MBOAT1: variants seen among roughly 807,000 people sequenced by gnomAD.
The protein encoded by MBOAT1 is membrane-bound glycerophospholipid O-acyltransferase 1.
MBOAT1 carries 67 observed loss-of-function variants against 64.4 expected under a neutral mutation model. That is an observed-to-expected ratio of 1.04 (90% confidence interval 0.85 to 1.27). The LOEUF (loss-of-function observed/expected upper bound fraction) is 1.27. MBOAT1 is among the 50% of genes most tolerant of loss of function. The pLI is 0.00. For missense variants in MBOAT1, 563 were observed against 604.6 expected (o/e 0.93, Z 0.72); for synonymous variants, 229 against 218.9 (o/e 1.05, Z -0.41).
intron 1 of MBOAT1, among the ~76,000 whole-genome samples, chr6:20,185,301 C>G (rs1762620511): frequency 6.6e-6 from 1 of 152,060 alleles, no homozygotes; most frequent in Admixed American, 6.6e-5. Context: ...TTTCATATGC[C>G]AACTTGGCTA....
intron 1 of MBOAT1, among the ~76,000 whole-genome samples, chr6:20,192,912 C>T (rs1271496215): frequency 6.6e-6 from 1 of 151,710 alleles, no homozygotes; most frequent in African/African-American, 2.4e-5. Flanking sequence ...ACAGGACACA[C>T]CTCAGGAGGA....
chr6:20,114,236 C>G (rs951923434), intron 10 of MBOAT1, among the ~76,000 whole-genome samples: 1 of 152,178 alleles, frequency 6.6e-6, no homozygotes, highest in Non-Finnish European at 1.5e-5. Context: ...AAAGATGCTG[C>G]TTATCAAAAC....
chr6:20,166,440 C>A (rs879261813), intron 1 of MBOAT1, among the ~76,000 whole-genome samples: 8 of 152,126 alleles, frequency 5.3e-5, no homozygotes, highest in Non-Finnish European at 1.2e-4. Flanking sequence ...AATTAGCCAG[C>A]TGCTAAATTG....
At chr6:20,116,321 G>C (rs1338318392) in intron 9 of MBOAT1, among the ~76,000 whole-genome samples, 1 of 151,260 alleles carries the variant, frequency 6.6e-6, no homozygotes, top group East Asian at 1.9e-4. Flanking sequence ...AACATGGCAA[G>C]ACTCCATCTC....
chr6:20,153,810 AC>A (rs1416542872), intron 1 of MBOAT1, among the ~76,000 whole-genome samples: 1 of 152,202 alleles, frequency 6.6e-6, no homozygotes, highest in African/African-American at 2.4e-5. Context: ...AAACATTTAA[AC>A]ATTTCCTGAA....
rs1360878152 is a variant in MBOAT1, at chr6:20,101,466, C to T, written c.*820G>A. Among the ~76,000 whole-genome samples the T allele has an allele frequency of 6.6e-6, 1 of 152,204 alleles. No homozygotes were observed. Among genetic ancestry groups the T allele is most frequent in the Non-Finnish European group, 1.5e-5 (1 of 68,034 alleles). On this transcript the variant is annotated 3_prime_UTR_variant, in exon 13 of 13. Coordinates refer to ENST00000324607, the MANE Select transcript of MBOAT1 (RefSeq NM_001080480.3). ...GTGCCCTGAAACCATGATCCCTCTG[C>T]CTCCATGGTCCTCTGAGTGTAGTTA...
At chr6:20,106,897 G>T (rs1441398597) in intron 12 of MBOAT1, among the ~76,000 whole-genome samples, 1 of 152,140 alleles carries the variant, frequency 6.6e-6, no homozygotes, top group Non-Finnish European at 1.5e-5. Flanking sequence ...ATATTCTGGG[G>T]TGATTTTAAA....
chr6:20,207,597 C>A (rs1326968757), intron 1 of MBOAT1, among the ~76,000 whole-genome samples: 1 of 152,146 alleles, frequency 6.6e-6, no homozygotes, highest in Non-Finnish European at 1.5e-5. Flanking sequence ...AAGAACATTT[C>A]AAGACAGGTG....
chr6:20,134,006 G>T (rs1760907890), intron 4 of MBOAT1, among the ~76,000 whole-genome samples: 1 of 152,164 alleles, frequency 6.6e-6, no homozygotes, highest in Non-Finnish European at 1.5e-5. Flanking sequence ...ATCTGTCCAA[G>T]AATTTTATCT....
chr6:20,102,338 G>T lies in MBOAT1; in HGVS notation c.1436C>A (p.Thr479Lys). 1 of 1,613,896 alleles carries T rather than the reference G, an allele frequency of 6.2e-7. No individual in the cohort carries two copies. Among genetic ancestry groups the T allele is most frequent in the Non-Finnish European group, 8.5e-7 (1 of 1,179,868 alleles). ...GTTCAGAGTCTGAGGCCGCCTTTGC[G>T]TATGAGCTTGTGGTTTCATTGGCAG... Reference protein sequence around the residue: ...LFLPMKPQAHTQRRPQTLNSI... With the variant: ...LFLPMKPQAHKQRRPQTLNSI... The change falls in exon 13 of 13, where the codon ACG becomes AAG. Residue 479 changes from threonine (T) to lysine (K), a missense_variant. Coordinates refer to ENST00000324607, the MANE Select transcript of MBOAT1 (RefSeq NM_001080480.3).
intron 1 of MBOAT1, among the ~76,000 whole-genome samples, chr6:20,200,986 C>A (rs927861090): frequency 3.9e-5 from 6 of 152,128 alleles, no homozygotes; most frequent in African/African-American, 1.4e-4. Context: ...TTGCATCACT[C>A]AAACACAGGA....
At chr6:20,195,266 T>C (rs905479563) in intron 1 of MBOAT1, among the ~76,000 whole-genome samples, 2 of 152,242 alleles carry the variant, frequency 1.3e-5, no homozygotes, top group African/African-American at 4.8e-5. Context: ...CTTCTCTATC[T>C]AATCTATACT....
chr6:20,116,793 G>A (rs1291907026), intron 9 of MBOAT1, among the ~76,000 whole-genome samples: 3 of 152,080 alleles, frequency 2.0e-5, no homozygotes, highest in Admixed American at 6.5e-5. Flanking sequence ...CCTTTACCCT[G>A]AAGACATGTC....
At chr6:20,128,859 C>A in intron 5 of MBOAT1, 106 bp from the exon 6 acceptor site, 1 of 762,038 alleles carries the variant, frequency 1.3e-6, no homozygotes, top group South Asian at 1.9e-5. Flanking sequence ...TCTTTGTTTG[C>A]TTCATAAATC....
At chr6:20,152,567 A>T in intron 2 of MBOAT1, 57 bp downstream of exon 2, 2 of 1,543,044 alleles carry the variant, frequency 1.3e-6, no homozygotes, top group Non-Finnish European at 1.8e-6. Context: ...AATTCCAAGG[A>T]CATTGCCACA....
chr6:20,125,103 T>C (rs1176646928), intron 7 of MBOAT1, among the ~76,000 whole-genome samples: 1 of 152,162 alleles, frequency 6.6e-6, no homozygotes, highest in Non-Finnish European at 1.5e-5. Context: ...TGGGGAGCTC[T>C]AGAAAGCCTT....
chr6:20,206,029 C>T (rs187437955), intron 1 of MBOAT1, among the ~76,000 whole-genome samples: 1 of 152,280 alleles, frequency 6.6e-6, no homozygotes, highest in Non-Finnish European at 1.5e-5. Flanking sequence ...TGTGACTCAT[C>T]TTCCCACTGC....
chr6:20,125,293 G>GC (rs1561752288), intron 7 of MBOAT1, among the ~76,000 whole-genome samples: 1 of 152,170 alleles, frequency 6.6e-6, no homozygotes, highest in Non-Finnish European at 1.5e-5. Context: ...TATGGGCATA[G>GC]CAATAGCACC....
intron 1 of MBOAT1, among the ~76,000 whole-genome samples, chr6:20,153,845 T>C (rs1350373792): frequency 6.6e-6 from 1 of 152,186 alleles, no homozygotes; most frequent in Non-Finnish European, 1.5e-5. Flanking sequence ...GTCAGCTGAT[T>C]TTAAAAAACA....
Sources: gnomAD v4.1 joint callset for allele counts (sites outside exome capture counted in the v4.1 genomes callset) on GRCh38, gnomAD v4.1.1 for gene constraint, MANE v1.5 for transcripts, NCBI Gene and HGNC (gene_info 2026-07-23, HGNC 2026-07-21) for gene names.